The following KCNB2 variants were observed in gnomAD, a reference collection of about 807,000 sequenced individuals.
KCNB2 encodes the protein potassium voltage-gated channel subfamily B member 2.
A neutral mutation model predicts 61.5 loss-of-function variants in KCNB2; 15 were observed. The ratio of observed to expected loss-of-function variants is 0.24; its 90% CI spans 0.16 to 0.38. The LOEUF (loss-of-function observed/expected upper bound fraction) is 0.38, where lower values mean the gene tolerates loss of function less well. KCNB2 is among the 10% of genes least tolerant of loss of function. The probability of loss-of-function intolerance (pLI) is 1.00; values close to 1 mark genes in which losing one functional copy is unlikely to be tolerated. For missense variants in KCNB2, 828 were observed against 1,125.2 expected, an observed-to-expected ratio of 0.74 and a Z score of 3.78; for synonymous variants, 457 against 446.0, an observed-to-expected ratio of 1.02 and a Z score of -0.31.
intron 2 of KCNB2, among the ~76,000 whole-genome samples, chr8:72,701,208 C>G (rs768976708): frequency 1.3e-4 from 19 of 151,944 alleles, no homozygotes; most frequent in South Asian, 6.2e-4. Context: ...TGCACAAGTA[C>G]CCCCTGAGTC....
chr8:72,644,667 A>C (rs1178676584), intron 2 of KCNB2, among the ~76,000 whole-genome samples: 1 of 152,142 alleles, frequency 6.6e-6, no homozygotes, highest in Non-Finnish European at 1.5e-5. Context: ...AATATGTGTC[A>C]AGTGTTTTCT....
intron 2 of KCNB2, among the ~76,000 whole-genome samples, chr8:72,687,520 G>A (rs1465529736): frequency 6.6e-6 from 1 of 152,118 alleles, no homozygotes; most frequent in African/African-American, 2.4e-5. Flanking sequence ...TTTTCTCAGT[G>A]GGGAGGGGTC....
chr8:72,539,356 G>A (rs1444008190), intron 1 of KCNB2, among the ~76,000 whole-genome samples: 2 of 152,184 alleles, frequency 1.3e-5, no homozygotes, highest in African/African-American at 4.8e-5. Flanking sequence ...CCCACTGAAG[G>A]AAAAGTATCC....
chr8:72,716,548 C>A (rs914351638), intron 2 of KCNB2, among the ~76,000 whole-genome samples: 5 of 152,120 alleles, frequency 3.3e-5, no homozygotes, highest in Non-Finnish European at 7.3e-5. Flanking sequence ...ATAAACAGAA[C>A]CAAAGACAAA....
intron 2 of KCNB2, among the ~76,000 whole-genome samples, chr8:72,888,503 A>T (rs1805842504): frequency 6.6e-6 from 1 of 152,216 alleles, no homozygotes. Context: ...TTTAGTACAT[A>T]AAATTCTCGG....
intron 2 of KCNB2, among the ~76,000 whole-genome samples, chr8:72,907,254 G>A (rs573011060): frequency 3.3e-5 from 5 of 152,254 alleles, no homozygotes; most frequent in African/African-American, 1.2e-4. Context: ...CTACTCGGGA[G>A]TCTGAGGCAG....
intron 1 of KCNB2, among the ~76,000 whole-genome samples, chr8:72,546,884 G>T (rs751677434): frequency 5.3e-5 from 8 of 152,186 alleles, no homozygotes; most frequent in Non-Finnish European, 7.3e-5. Context: ...GATTAAACAG[G>T]CTTCTGTTGA....
At chr8:72,811,331 A>T (rs1195324443) in intron 2 of KCNB2, among the ~76,000 whole-genome samples, 8 of 151,966 alleles carry the variant, frequency 5.3e-5, no homozygotes, top group Admixed American at 5.2e-4. Context: ...TTAACATAAT[A>T]AATTTTGAGA....
At chr8:72,736,429 C>T (rs1302694265) in intron 2 of KCNB2, among the ~76,000 whole-genome samples, 1 of 152,048 alleles carries the variant, frequency 6.6e-6, no homozygotes, top group Non-Finnish European at 1.5e-5. Flanking sequence ...TAAAATTCAA[C>T]AAGATAATCA....
At chr8:72,803,499 C>T (rs1257566127) in intron 2 of KCNB2, among the ~76,000 whole-genome samples, 1 of 152,184 alleles carries the variant, frequency 6.6e-6, no homozygotes, top group Non-Finnish European at 1.5e-5. Context: ...ACACTGGACA[C>T]AATAGTACTT....
intron 2 of KCNB2, among the ~76,000 whole-genome samples, chr8:72,722,545 T>G (rs1218848522): frequency 6.6e-6 from 1 of 152,224 alleles, no homozygotes; most frequent in Admixed American, 6.5e-5. Flanking sequence ...CTGTTATTCC[T>G]TTGTAGTACT....
intron 2 of KCNB2, among the ~76,000 whole-genome samples, chr8:72,768,057 G>A (rs1453378215): frequency 6.6e-6 from 1 of 152,066 alleles, no homozygotes; most frequent in Non-Finnish European, 1.5e-5. Flanking sequence ...ATTGTTAATT[G>A]TATTTAACTT....
chr8:72,579,548 A>T (rs1234294225), intron 2 of KCNB2, among the ~76,000 whole-genome samples: 2 of 152,156 alleles, frequency 1.3e-5, no homozygotes, highest in Non-Finnish European at 2.9e-5. Context: ...AGAGAAGCTG[A>T]TTCTTCACCC....
chr8:72,935,128 T>C (rs1424965630), intron 2 of KCNB2, among the ~76,000 whole-genome samples: 2 of 152,108 alleles, frequency 1.3e-5, no homozygotes, highest in Non-Finnish European at 2.9e-5. Flanking sequence ...CAATAAGTGG[T>C]AAAGCCAGGG....
At chr8:72,920,668 C>G (rs1806504753) in intron 2 of KCNB2, among the ~76,000 whole-genome samples, 1 of 151,170 alleles carries the variant, frequency 6.6e-6, no homozygotes, top group Admixed American at 6.6e-5. Flanking sequence ...AACAAAAATA[C>G]TGTCCTAATG....
At chr8:72,588,266 TGGA>T (rs1274028092) in intron 2 of KCNB2, among the ~76,000 whole-genome samples, 19 of 150,132 alleles carry the variant, frequency 1.3e-4, no homozygotes, top group Admixed American at 1.1e-3. Context: ...TTGCCCAGGC[TGGA>T]GTGCAATGGC....
At chr8:72,692,290 GTTAA>G (rs967608275) in intron 2 of KCNB2, among the ~76,000 whole-genome samples, 6 of 150,084 alleles carry the variant, frequency 4.0e-5, no homozygotes, top group African/African-American at 1.2e-4. Context: ...ATCTTTGTCT[GTTAA>G]TTGATTTTTC....
At chr8:72,636,280 G>A (rs369710845) in intron 2 of KCNB2, among the ~76,000 whole-genome samples, 7 of 152,150 alleles carry the variant, frequency 4.6e-5, no homozygotes, top group South Asian at 4.1e-4. Context: ...ATAAATCGTC[G>A]CTCAGGGACA....
At chr8:72,638,637 A>G (rs1216497896) in intron 2 of KCNB2, among the ~76,000 whole-genome samples, 1 of 152,122 alleles carries the variant, frequency 6.6e-6, no homozygotes, top group Non-Finnish European at 1.5e-5. Flanking sequence ...CAAAAATCAC[A>G]CAAGCCGGCA....
Sources: gnomAD v4.1 joint callset for allele counts (sites outside exome capture counted in the v4.1 genomes callset) on GRCh38, gnomAD v4.1.1 for gene constraint, MANE v1.5 for transcripts, NCBI Gene and HGNC (gene_info 2026-07-23, HGNC 2026-07-21) for gene names.